ECHDC1: variants seen among roughly 807,000 people sequenced by gnomAD.
ECHDC1 encodes the protein ethylmalonyl-CoA decarboxylase 1.
ECHDC1 carries 29 observed loss-of-function variants against 29.7 expected under a neutral mutation model. That is an observed-to-expected ratio of 0.98 (90% CI 0.73 to 1.33). ECHDC1 has a LOEUF of 1.33. Among genes scored for constraint, ECHDC1 ranks in the 40% most tolerant of loss-of-function variants. ECHDC1 has a pLI of 0.00. For synonymous variants in ECHDC1, 126 were observed against 123.1 expected, an observed-to-expected ratio of 1.02 and a Z score of -0.15; for missense variants, 328 against 350.0, an observed-to-expected ratio of 0.94 and a Z score of 0.50.
At chr6:127,300,618 T>C (rs1780982925) in intron 5 of ECHDC1, among the ~76,000 whole-genome samples, 2 of 152,098 alleles carry the variant, frequency 1.3e-5, no homozygotes, top group African/African-American at 4.8e-5. Flanking sequence ...TCAGAAAGCA[T>C]CTAGGAGCAA....
At chr6:127,331,994 C>T in intron 1 of ECHDC1, 1 of 433,224 alleles carries the variant, frequency 2.3e-6, no homozygotes, top group Non-Finnish European at 3.1e-6. Flanking sequence ...GCTTTTCTTG[C>T]CCTATGTAAA....
chr6:127,298,873 T>C (rs1780825059), intron 5 of ECHDC1, among the ~76,000 whole-genome samples: 1 of 151,938 alleles, frequency 6.6e-6, no homozygotes, highest in East Asian at 1.9e-4. Context: ...GTATTTACTG[T>C]ACTATATTTT....
At position 127,342,804 on chromosome 6, in the gene ECHDC1, G is replaced by T. The variant is rs1213877485; in HGVS notation, c.-3+532C>A. On this transcript the variant is annotated intron_variant, in intron 1 of 5. Coordinates refer to ENST00000454859, the MANE Select transcript of ECHDC1 (RefSeq NM_001002030.2). ...CTGTATGTGTGCGCAGCGTTAAAAG[G>T]ATTATTGTAGCTCAAAAATTCTCCA... The T allele has an allele frequency of 1.9e-5, 3 of 160,116 alleles. No individual in the cohort carries two copies. The Admixed American group carries it at 1.9e-4, about 10-fold the overall frequency. The allele number at this position is 160,116 out of a possible 1,614,324, so 9.9% of individuals were successfully genotyped here.
chr6:127,307,648 G>GAAAAAAAAAAAAAAAAAAAAAAAAA (rs71024770), intron 5 of ECHDC1, among the ~76,000 whole-genome samples: 2 of 48,650 alleles, frequency 4.1e-5, no homozygotes, highest in South Asian at 7.9e-4. Flanking sequence ...CTCTGTCTCA[G>GAAAAAAAAAAAAAAAAAAAAAAAAA]AAAAAAAAAA....
chr6:127,300,288 TA>T (rs1780955825), intron 5 of ECHDC1, among the ~76,000 whole-genome samples: 1 of 152,194 alleles, frequency 6.6e-6, no homozygotes, highest in African/African-American at 2.4e-5. Flanking sequence ...ATCTGACAAT[TA>T]AATTCCCTAT....
At chr6:127,310,929 C>T (rs1781847095) in intron 5 of ECHDC1, among the ~76,000 whole-genome samples, 1 of 152,070 alleles carries the variant, frequency 6.6e-6, no homozygotes. Context: ...GATTACATCT[C>T]GGTGAAGGCT....
intron 5 of ECHDC1, among the ~76,000 whole-genome samples, chr6:127,302,802 T>C (rs1258002748): frequency 6.6e-6 from 1 of 152,198 alleles, no homozygotes; most frequent in Non-Finnish European, 1.5e-5. Context: ...AAGTGAGGAA[T>C]GCATTTAATA....
chr6:127,309,905 C>G (rs1781764065), intron 5 of ECHDC1, among the ~76,000 whole-genome samples: 2 of 152,122 alleles, frequency 1.3e-5, no homozygotes, highest in South Asian at 4.1e-4. Flanking sequence ...AACTTACGCA[C>G]TTATCATGAG....
At chr6:127,331,088 T>C in intron 1 of ECHDC1, 58 bp from the exon 2 acceptor site, 3 of 1,310,264 alleles carry the variant, frequency 2.3e-6, no homozygotes, top group Non-Finnish European at 2.2e-6. Flanking sequence ...ACTTTTCTAA[T>C]ATTATGTGTT....
intron 3 of ECHDC1, 37 bp from the exon 4 acceptor site, chr6:127,316,539 T>C: frequency 6.6e-7 from 1 of 1,525,766 alleles, no homozygotes; most frequent in Non-Finnish European, 8.9e-7. Flanking sequence ...AAAGGTATAA[T>C]GCAAATATAT....
chr6:127,326,547 G>C, intron 3 of ECHDC1: 1 of 450,724 alleles, frequency 2.2e-6, no homozygotes, highest in Non-Finnish European at 4.6e-6. Flanking sequence ...AGGGTGTACA[G>C]GAACTCTGTA....
At chr6:127,328,308 T>C (rs1447955376) in intron 2 of ECHDC1, among the ~76,000 whole-genome samples, 1 of 152,228 alleles carries the variant, frequency 6.6e-6, no homozygotes, top group Non-Finnish European at 1.5e-5. Context: ...TCCTATCACC[T>C]AGTAACCATC....
chr6:127,308,200 A>G (rs181448814), intron 5 of ECHDC1, among the ~76,000 whole-genome samples: 113 of 152,314 alleles, frequency 7.4e-4, no homozygotes, highest in South Asian at 1.9e-3. Flanking sequence ...TCAAAAAAAG[A>G]AAACTATAGG....
intron 5 of ECHDC1, among the ~76,000 whole-genome samples, chr6:127,311,669 C>CAAAAAAAAAAAAAAAAAAAAA (rs71272311): frequency 5.6e-4 from 14 of 25,038 alleles, no homozygotes; most frequent in Non-Finnish European, 7.5e-4. Flanking sequence ...GGCTCTGTCT[C>CAAAAAAAAAAAAAAAAAAAAA]AAAAAAAAAA....
chr6:127,336,323 T>C (rs1377846807), intron 1 of ECHDC1, among the ~76,000 whole-genome samples: 1 of 152,166 alleles, frequency 6.6e-6, no homozygotes, highest in Non-Finnish European at 1.5e-5. Flanking sequence ...TAATAGATTA[T>C]TTAATTTTAA....
At chr6:127,314,351 T>C (rs886729148) in intron 5 of ECHDC1, among the ~76,000 whole-genome samples, 2 of 152,168 alleles carry the variant, frequency 1.3e-5, no homozygotes, top group Non-Finnish European at 2.9e-5. Flanking sequence ...CTAATCTTCC[T>C]GAAAGTCCCA....
At chr6:127,319,422 A>G (rs570859278) in intron 3 of ECHDC1, among the ~76,000 whole-genome samples, 1 of 152,338 alleles carries the variant, frequency 6.6e-6, no homozygotes, top group African/African-American at 2.4e-5. Flanking sequence ...ATCTATCATT[A>G]TTATTAATAT....
chr6:127,321,722 GC>G (rs1782842453), intron 3 of ECHDC1, among the ~76,000 whole-genome samples: 1 of 152,200 alleles, frequency 6.6e-6, no homozygotes, highest in South Asian at 2.1e-4. Flanking sequence ...TGGACGTCGG[GC>G]CAGGTGCAGT....
intron 3 of ECHDC1, among the ~76,000 whole-genome samples, chr6:127,324,556 C>T (rs1389756417): frequency 6.6e-6 from 1 of 152,176 alleles, no homozygotes; most frequent in Admixed American, 6.5e-5. Context: ...ACACCTAACA[C>T]CTAGATCTTA....
Sources: allele counts gnomAD v4.1 joint callset (sites outside exome capture counted in the v4.1 genomes callset), GRCh38; gene constraint gnomAD v4.1.1; transcripts MANE v1.5; gene names NCBI Gene and HGNC (gene_info 2026-07-23, HGNC 2026-07-21).